PCDHGB6: variants seen among roughly 807,000 people sequenced by gnomAD.
The protein encoded by PCDHGB6 is protocadherin gamma-B6.
A neutral mutation model predicts 59.1 loss-of-function variants in PCDHGB6; 51 were observed. The ratio of observed to expected loss-of-function variants is 0.86; its 90% CI spans 0.69 to 1.09. The LOEUF is 1.09. Ranked by LOEUF, PCDHGB6 falls within the 50% of genes least tolerant of loss-of-function variation. The pLI, the probability that PCDHGB6 is intolerant of heterozygous loss-of-function variation, is 0.00. For missense variants in PCDHGB6, 1,148 were observed against 1,205.1 expected (o/e 0.95, Z 0.70); for synonymous variants, 466 against 495.1 (o/e 0.94, Z 0.78).
At chr5:141,465,141 A>AT (rs1341872532) in intron 1 of PCDHGB6, among the ~76,000 whole-genome samples, 2 of 151,678 alleles carry the variant, frequency 1.3e-5, no homozygotes, top group Non-Finnish European at 2.9e-5. Flanking sequence ...AGTTTAGGGG[A>AT]TATATGAAGG....
intron 1 of PCDHGB6, chr5:141,422,303 A>AAAAC: frequency 6.5e-7 from 1 of 1,548,740 alleles, no homozygotes; most frequent in Non-Finnish European, 8.7e-7. Flanking sequence ...TCAATTCTGG[A>AAAAC]AAACTCTCCT....
intron 1 of PCDHGB6, chr5:141,412,841 G>A (rs1285924844): frequency 4.9e-6 from 1 of 206,050 alleles, no homozygotes; most frequent in Non-Finnish European, 9.6e-6. Flanking sequence ...AAAGATAGGA[G>A]TGGAGAAACC....
chr5:141,463,938 T>A (rs1378018670), intron 1 of PCDHGB6, among the ~76,000 whole-genome samples: 3 of 152,168 alleles, frequency 2.0e-5, no homozygotes, highest in Non-Finnish European at 4.4e-5. Context: ...TATAAATTTA[T>A]AGAAATCTTC....
chr5:141,423,139 G>A (rs2096713828), intron 1 of PCDHGB6: 2 of 1,613,616 alleles, frequency 1.2e-6, no homozygotes, highest in Middle Eastern at 1.7e-4. Flanking sequence ...GGACAGAGAC[G>A]CGCTCAAGCA....
chr5:141,430,595 G>A (rs549786394), intron 1 of PCDHGB6: 28 of 567,134 alleles, frequency 4.9e-5, no homozygotes, highest in African/African-American at 3.8e-4. Flanking sequence ...CCTTGCACGC[G>A]CCTGAAGCAC....
intron 1 of PCDHGB6, chr5:141,427,531 A>C: frequency 1.6e-6 from 1 of 620,632 alleles, no homozygotes. Flanking sequence ...ATCCCGGAGT[A>C]CAACGTCACC....
intron 1 of PCDHGB6, chr5:141,419,158 C>T (rs757849297): frequency 5.0e-6 from 8 of 1,613,950 alleles, no homozygotes; most frequent in Admixed American, 1.7e-5. Context: ...CTCCGTTATC[C>T]TCCAGCAAAA....
At chr5:141,501,330 CACA>C (rs1301023208) in intron 2 of PCDHGB6, among the ~76,000 whole-genome samples, 82 of 151,502 alleles carry the variant, frequency 5.4e-4, no homozygotes, top group Admixed American at 2.2e-3. Flanking sequence ...CACACACACA[CACA>C]CCCCAAACTC....
chr5:141,427,220 T>G (rs1487350481), intron 1 of PCDHGB6: 1 of 456,710 alleles, frequency 2.2e-6, no homozygotes, highest in East Asian at 6.9e-5. Flanking sequence ...TTCGTAGCAG[T>G]TATACCATGA....
chr5:141,444,800 A>G (rs1294854513), intron 1 of PCDHGB6, among the ~76,000 whole-genome samples: 1 of 152,078 alleles, frequency 6.6e-6, no homozygotes, highest in East Asian at 1.9e-4. Flanking sequence ...CTATTCTTTT[A>G]CTAATAGCAC....
At position 141,489,378 on chromosome 5, in the gene PCDHGB6, G is replaced by A. The variant is rs1562129701; in HGVS notation, c.2419-5429G>A. ...AGTCTGAGCCGGGGACGCTGGTGGGGAATGTTGCTCAGGATCTGGGCTTAA... is the reference window on the plus strand; with the variant it reads ...AGTCTGAGCCGGGGACGCTGGTGGGAAATGTTGCTCAGGATCTGGGCTTAA... On this transcript the variant is annotated intron_variant, in intron 1 of 3. Coordinates refer to ENST00000520790, the MANE Select transcript of PCDHGB6 (RefSeq NM_018926.3). The surrounding 1 kb of genome is among the most constrained non-coding windows in gnomAD (Gnocchi z 4.5). 1.2e-6 allele frequency: 2 copies of A among 1,613,908 alleles called. No homozygotes were observed. The highest frequency in any genetic ancestry group is 3.3e-5 in the Admixed American group (2 of 60,026).
intron 1 of PCDHGB6, chr5:141,423,111 T>C (rs1394665462): frequency 3.1e-6 from 5 of 1,613,718 alleles, no homozygotes; most frequent in South Asian, 1.1e-5. Flanking sequence ...GCGAGGTGCG[T>C]ACAGCGCGGG....
At chr5:141,461,757 G>A (rs2099022119) in intron 1 of PCDHGB6, among the ~76,000 whole-genome samples, 1 of 151,994 alleles carries the variant, frequency 6.6e-6, no homozygotes, top group Non-Finnish European at 1.5e-5. Context: ...AGATTCAAGC[G>A]ATTCTCCTGC....
intron 1 of PCDHGB6, among the ~76,000 whole-genome samples, chr5:141,459,095 G>A (rs61275874): frequency 0.28 from 42,440 of 152,066 alleles, 6,652 homozygotes; most frequent in African/African-American, 0.43. Context: ...ATTATACAGT[G>A]CAATGCATTT....
chr5:141,421,420 G>C, intron 1 of PCDHGB6: 1 of 1,614,084 alleles, frequency 6.2e-7, no homozygotes, highest in Non-Finnish European at 8.5e-7. Context: ...GAAGCGCGGA[G>C]TCCGCATCGT....
chr5:141,421,353 G>C, intron 1 of PCDHGB6: 1 of 1,613,998 alleles, frequency 6.2e-7, no homozygotes, highest in Non-Finnish European at 8.5e-7. Flanking sequence ...AGACCGAAAA[G>C]GGCTCCTTCG....
In PCDHGB6 at chr5:141,487,161, T is replaced by C; in HGVS notation, c.2419-7646T>C. Reference sequence around the variant, plus strand: ...CTCTCTACCTCTGTTACTCTCTTAGTGTCCTTAGAGGAAGACACTCATCCA... The same window carrying C: ...CTCTCTACCTCTGTTACTCTCTTAGCGTCCTTAGAGGAAGACACTCATCCA... On this transcript the variant is annotated intron_variant, in intron 1 of 3. Coordinates refer to ENST00000520790, the MANE Select transcript of PCDHGB6 (RefSeq NM_018926.3). This position sits in a 1 kb window ranked among gnomAD's most constrained non-coding sequence, Gnocchi z 5.0. 6.2e-7 allele frequency: 1 copy of C among 1,613,528 alleles called. No homozygotes were observed.
intron 1 of PCDHGB6, chr5:141,428,734 A>G (rs922346225): frequency 1.9e-5 from 3 of 158,252 alleles, no homozygotes; most frequent in Non-Finnish European, 2.8e-5. Context: ...TAAACATATT[A>G]TATCTACTAT....
chr5:141,448,795 A>T (rs577803435), intron 1 of PCDHGB6, among the ~76,000 whole-genome samples: 1 of 152,086 alleles, frequency 6.6e-6, no homozygotes, highest in African/African-American at 2.4e-5. Context: ...AAAAAAAAAA[A>T]TTAGCCAGGC....
Sources: gnomAD v4.1 joint callset for allele counts (sites outside exome capture counted in the v4.1 genomes callset) on GRCh38, gnomAD v4.1.1 for gene constraint, Gnocchi (gnomAD v3.1) non-coding constraint, MANE v1.5 for transcripts, NCBI Gene and HGNC (gene_info 2026-07-23, HGNC 2026-07-21) for gene names.